Variants in ST3GAL3 observed in about 807,000 individuals in gnomAD.
ST3GAL3 encodes ST3 beta-galactoside alpha-2,3-sialyltransferase 3.
Under a neutral mutation model 50.1 loss-of-function variants are expected in ST3GAL3, and 21 were observed. That is an observed-to-expected ratio of 0.42 (90% confidence interval 0.30 to 0.60). The LOEUF is 0.60. Ranked by LOEUF, ST3GAL3 falls within the 20% of genes least tolerant of loss-of-function variation. ST3GAL3 has a pLI of 0.19. For synonymous variants in ST3GAL3, 183 were observed against 190.0 expected, an observed-to-expected ratio of 0.96 and a Z score of 0.30; for missense variants, 353 against 489.4, an observed-to-expected ratio of 0.72 and a Z score of 2.63.
intron 3 of ST3GAL3, among the ~76,000 whole-genome samples, chr1:43,793,703 C>G (rs550775919): frequency 2.6e-5 from 4 of 152,186 alleles, no homozygotes; most frequent in Non-Finnish European, 4.4e-5. Flanking sequence ...CCAAAACTTG[C>G]ATCTATTTGT....
intron 2 of ST3GAL3, among the ~76,000 whole-genome samples, chr1:43,746,707 C>T (rs1400619365): frequency 1.3e-5 from 2 of 151,406 alleles, no homozygotes; most frequent in Non-Finnish European, 1.5e-5. Context: ...TGTGATTCAC[C>T]TGCCTTGGCC....
intron 5 of ST3GAL3, among the ~76,000 whole-genome samples, chr1:43,854,126 A>G (rs2067883842): frequency 6.6e-6 from 1 of 152,204 alleles, no homozygotes. Flanking sequence ...GAAGAATGGA[A>G]TACCATCTAC....
chr1:43,892,744 T>C (rs2076850664), intron 5 of ST3GAL3, among the ~76,000 whole-genome samples: 1 of 152,188 alleles, frequency 6.6e-6, no homozygotes, highest in Non-Finnish European at 1.5e-5. Flanking sequence ...GGAAAGCAGA[T>C]AAAATCCTGT....
At chr1:43,714,740 A>G (rs1213495163) in intron 1 of ST3GAL3, among the ~76,000 whole-genome samples, 1 of 152,172 alleles carries the variant, frequency 6.6e-6, no homozygotes, top group African/African-American at 2.4e-5. Context: ...TAAAACATAC[A>G]CACTTCTCCT....
intron 1 of ST3GAL3, among the ~76,000 whole-genome samples, chr1:43,730,689 G>A (rs1417960657): frequency 6.7e-6 from 1 of 149,970 alleles, no homozygotes; most frequent in Non-Finnish European, 1.5e-5. Flanking sequence ...TCCTACCTCA[G>A]CCTCTCAAAT....
intron 1 of ST3GAL3, among the ~76,000 whole-genome samples, chr1:43,723,033 A>C (rs1261072004): frequency 5.3e-5 from 8 of 151,736 alleles, no homozygotes; most frequent in Non-Finnish European, 1.0e-4. Flanking sequence ...TGCTTGGTGC[A>C]GTCCCTGCAT....
At chr1:43,892,883 A>G (rs2076864547) in intron 5 of ST3GAL3, among the ~76,000 whole-genome samples, 1 of 152,214 alleles carries the variant, frequency 6.6e-6, no homozygotes, top group Non-Finnish European at 1.5e-5. Context: ...GACCATGACC[A>G]GGATCCTCAG....
chr1:43,796,366 C>A (rs1046353024), intron 3 of ST3GAL3, among the ~76,000 whole-genome samples: 1 of 152,214 alleles, frequency 6.6e-6, no homozygotes, highest in African/African-American at 2.4e-5. Flanking sequence ...AAAGGGAGCT[C>A]AGGAAAGCAA....
At chr1:43,818,401 A>G (rs886992561) in intron 4 of ST3GAL3, among the ~76,000 whole-genome samples, 1 of 152,210 alleles carries the variant, frequency 6.6e-6, no homozygotes, top group Non-Finnish European at 1.5e-5. Flanking sequence ...ACCTCAAACC[A>G]TGAGTTCAGT....
At chr1:43,727,289 T>C (rs1558028529) in intron 1 of ST3GAL3, 1 of 151,580 alleles carries the variant, frequency 6.6e-6, no homozygotes, top group Non-Finnish European at 1.5e-5. Flanking sequence ...GAGACCTGCT[T>C]CCTTTTTTTT....
chr1:43,824,582 A>C, intron 4 of ST3GAL3: 2 of 921,520 alleles, frequency 2.2e-6, no homozygotes, highest in Middle Eastern at 6.6e-4. Flanking sequence ...TACTTACTTC[A>C]CAACAGGAGA....
chr1:43,866,716 G>T (rs764117339), intron 5 of ST3GAL3, among the ~76,000 whole-genome samples: 8 of 152,174 alleles, frequency 5.3e-5, no homozygotes, highest in Non-Finnish European at 1.0e-4. Context: ...ACGTGGTTTG[G>T]TATGTTTGGC....
At chr1:43,874,019 T>C (rs761951030) in intron 5 of ST3GAL3, among the ~76,000 whole-genome samples, 16 of 152,010 alleles carry the variant, frequency 1.1e-4, no homozygotes, top group Non-Finnish European at 1.5e-4. Flanking sequence ...GGAGTGCCCA[T>C]TGCAACATTA....
chr1:43,788,748 G>A (rs1176482850), intron 2 of ST3GAL3, among the ~76,000 whole-genome samples: 6 of 152,160 alleles, frequency 3.9e-5, no homozygotes, highest in Non-Finnish European at 1.5e-5. Flanking sequence ...AAAATGAATA[G>A]ACAGTCTTTG....
intron 2 of ST3GAL3, among the ~76,000 whole-genome samples, chr1:43,762,259 CATT>C (rs1278354620): frequency 2.2e-5 from 3 of 138,176 alleles, no homozygotes; most frequent in African/African-American, 8.1e-5. Flanking sequence ...GACCCTGTCT[CATT>C]AAAAAAAAAA....
At chr1:43,848,706 C>T (rs1278834955) in intron 5 of ST3GAL3, among the ~76,000 whole-genome samples, 8 of 152,100 alleles carry the variant, frequency 5.3e-5, no homozygotes, top group African/African-American at 1.2e-4. Context: ...TCTTTGTAAT[C>T]ACATTTGGAC....
chr1:43,880,733 A>G (rs2074971989), intron 5 of ST3GAL3, among the ~76,000 whole-genome samples: 1 of 152,060 alleles, frequency 6.6e-6, no homozygotes, highest in African/African-American at 2.4e-5. Context: ...TCCATTCCCC[A>G]ATAGTGTGTT....
At chr1:43,872,231 TAGG>T (rs1285544611) in intron 5 of ST3GAL3, among the ~76,000 whole-genome samples, 1 of 35,142 alleles carries the variant, frequency 2.8e-5, no homozygotes, top group African/African-American at 1.4e-4. Context: ...GGGCCGGGAG[TAGG>T]AGGAGAGGGA....
chr1:43,849,829 C>T (rs146053511), intron 5 of ST3GAL3, among the ~76,000 whole-genome samples: 307 of 152,284 alleles, frequency 2.0e-3, no homozygotes, highest in Non-Finnish European at 3.4e-3. Flanking sequence ...GCTTCAGAGG[C>T]GAATTCAGCT....
Sources: allele counts gnomAD v4.1 joint callset (sites outside exome capture counted in the v4.1 genomes callset), GRCh38; gene constraint gnomAD v4.1.1; transcripts MANE v1.5; gene names NCBI Gene and HGNC (gene_info 2026-07-23, HGNC 2026-07-21).